The following DNM3 variants were observed in gnomAD, a reference collection of about 807,000 sequenced individuals.
DNM3 encodes the protein dynamin-3.
Under a neutral mutation model 101.6 loss-of-function variants are expected in DNM3, and 47 were observed. That is an observed-to-expected ratio of 0.46 (90% CI 0.37 to 0.59). DNM3 has a LOEUF of 0.59. DNM3 is among the 20% of genes least tolerant of loss of function. DNM3 has a pLI of 0.00. For synonymous variants in DNM3, 385 were observed against 387.9 expected, an observed-to-expected ratio of 0.99 and a Z score of 0.09; for missense variants, 849 against 1,085.7, an observed-to-expected ratio of 0.78 and a Z score of 3.06.
At chr1:172,052,376 A>G (rs1280932966) in intron 10 of DNM3, among the ~76,000 whole-genome samples, 2 of 152,178 alleles carry the variant, frequency 1.3e-5, no homozygotes, top group Admixed American at 1.3e-4. Context: ...AAAAATCAAC[A>G]TATAAATATA....
chr1:171,943,852 C>CT (rs916156212), intron 2 of DNM3, among the ~76,000 whole-genome samples: 2 of 152,096 alleles, frequency 1.3e-5, no homozygotes, highest in African/African-American at 2.4e-5. Flanking sequence ...TTTTTATCAA[C>CT]TTTTTTTATG....
chr1:171,949,440 C>T (rs1237485460), intron 2 of DNM3, among the ~76,000 whole-genome samples: 1 of 152,164 alleles, frequency 6.6e-6, no homozygotes, highest in Non-Finnish European at 1.5e-5. Context: ...GACAGGCTCT[C>T]CTGCTGTCAG....
At chr1:172,167,900 A>G (rs2058808417) in intron 14 of DNM3, among the ~76,000 whole-genome samples, 2 of 152,026 alleles carry the variant, frequency 1.3e-5, no homozygotes, top group Admixed American at 1.3e-4. Context: ...CTGTGTCTTG[A>G]TAACTCATAT....
At chr1:172,145,755 T>C (rs2057860029) in intron 14 of DNM3, among the ~76,000 whole-genome samples, 1 of 152,190 alleles carries the variant, frequency 6.6e-6, no homozygotes, top group Non-Finnish European at 1.5e-5. Flanking sequence ...ATAGCATTGT[T>C]TTTCACTTGT....
chr1:172,155,270 A>G (rs2058293466), intron 14 of DNM3, among the ~76,000 whole-genome samples: 1 of 150,258 alleles, frequency 6.7e-6, no homozygotes, highest in African/African-American at 2.5e-5. Context: ...TGCATTTCTC[A>G]ACTTGGTAGG....
At chr1:172,181,089 C>T (rs1157660003) in intron 14 of DNM3, among the ~76,000 whole-genome samples, 1 of 152,010 alleles carries the variant, frequency 6.6e-6, no homozygotes, top group East Asian at 1.9e-4. Flanking sequence ...CACATCAGGG[C>T]AGAAAGCTTC....
rs1056678758 is a variant in DNM3 at position 172,313,729 on chromosome 1, G to A, written c.1881+4890G>A. 5.9e-5 allele frequency among the ~76,000 whole-genome samples: 9 copies of A among 152,118 alleles called. No individual in the cohort carries two copies. In the South Asian group the frequency reaches 1.0e-3, roughly 18 times the overall value. ...GTTCTTCTGCATCACAACTAGTTCA[G>A]TACCTTCAACTGGGTGAATGTGTTC... On this transcript the variant is annotated intron_variant, in intron 16 of 20. Coordinates refer to ENST00000627582, the MANE Select transcript of DNM3 (RefSeq NM_015569.5).
intron 14 of DNM3, among the ~76,000 whole-genome samples, chr1:172,196,130 C>T (rs1407897864): frequency 1.3e-5 from 2 of 151,420 alleles, no homozygotes; most frequent in South Asian, 2.1e-4. Context: ...ATATTTAGCT[C>T]CCACCGATAA....
At chr1:172,317,118 C>A (rs1156842681) in intron 16 of DNM3, among the ~76,000 whole-genome samples, 2 of 151,594 alleles carry the variant, frequency 1.3e-5, no homozygotes, top group African/African-American at 4.9e-5. Context: ...GGAAACTGAA[C>A]AACCTGCTCC....
chr1:171,987,933 T>C, intron 3 of DNM3, 128 bp downstream of exon 3: 2 of 868,396 alleles, frequency 2.3e-6, no homozygotes, highest in Non-Finnish European at 3.2e-6. Context: ...ATACTGCCCA[T>C]TAATGTTATG....
At chr1:172,121,591 T>C (rs1253331564) in intron 13 of DNM3, among the ~76,000 whole-genome samples, 1 of 152,178 alleles carries the variant, frequency 6.6e-6, no homozygotes, top group Non-Finnish European at 1.5e-5. Flanking sequence ...GACATAGTCA[T>C]TGTAGACTTG....
chr1:172,269,530 T>C (rs75518721), intron 15 of DNM3, among the ~76,000 whole-genome samples: 3,614 of 152,302 alleles, frequency 0.024, 80 homozygotes, highest in East Asian at 0.11. Context: ...AGAGAACTGA[T>C]AGATCACTAT....
intron 15 of DNM3, among the ~76,000 whole-genome samples, chr1:172,269,332 C>G (rs906069934): frequency 1.3e-5 from 2 of 152,244 alleles, no homozygotes; most frequent in South Asian, 2.1e-4. Context: ...GCTTTCCCCA[C>G]TACCCTCGTC....
Position 172,307,575 on chromosome 1 carries a change from G to A in DNM3, c.1770-1153G>A, listed in dbSNP as rs191822298. ...TGCTACTATAAAGACACACGCACAC[G>A]TATGTTTATTGCAGCACTGTTCACA... On this transcript the variant is annotated intron_variant, in intron 15 of 20. Transcript: ENST00000627582. 2.8e-3 allele frequency among the ~76,000 whole-genome samples: 422 copies of A among 152,240 alleles called. 1 individual carries two copies. Among genetic ancestry groups the A allele is most frequent in the African/African-American group, 9.5e-3 (395 of 41,538 alleles).
chr1:171,995,417 GT>G (rs531496359), intron 4 of DNM3, among the ~76,000 whole-genome samples: 15 of 145,626 alleles, frequency 1.0e-4, no homozygotes, highest in East Asian at 4.0e-4. Flanking sequence ...AAATCCAGGT[GT>G]TTTTTTTTTT....
intron 4 of DNM3, among the ~76,000 whole-genome samples, chr1:172,011,884 G>C (rs891934894): frequency 6.6e-6 from 1 of 151,944 alleles, no homozygotes; most frequent in African/African-American, 2.4e-5. Flanking sequence ...TAAGCATCAA[G>C]GAACAATCAA....
chr1:172,282,819 G>A (rs927405138), intron 15 of DNM3, among the ~76,000 whole-genome samples: 2 of 152,170 alleles, frequency 1.3e-5, no homozygotes, highest in African/African-American at 4.8e-5. Context: ...ATACCCCAGT[G>A]GACATCCACA....
intron 14 of DNM3, among the ~76,000 whole-genome samples, chr1:172,245,956 G>A (rs1477812302): frequency 6.6e-6 from 1 of 152,166 alleles, no homozygotes. Context: ...TGAACAGGAA[G>A]CATGACTGGG....
At chr1:172,100,200 T>G (rs1464983844) in intron 13 of DNM3, among the ~76,000 whole-genome samples, 1 of 152,354 alleles carries the variant, frequency 6.6e-6, no homozygotes, top group African/African-American at 2.4e-5. Context: ...ATTTGGCTTC[T>G]CAAACCTACA....
Sources: allele counts gnomAD v4.1 joint callset (sites outside exome capture counted in the v4.1 genomes callset), GRCh38; gene constraint gnomAD v4.1.1; transcripts MANE v1.5; gene names NCBI Gene and HGNC (gene_info 2026-07-23, HGNC 2026-07-21).